The following COL24A1 variants were observed in gnomAD, a reference collection of about 807,000 sequenced individuals.
COL24A1 encodes collagen type XXIV alpha 1 chain, also known as collagen alpha-1(XXIV) chain.
A neutral mutation model predicts 253.9 loss-of-function variants in COL24A1; 224 were observed. The observed-to-expected ratio is 0.88, with a 90% CI of 0.79 to 0.99. COL24A1 has a LOEUF of 0.99. Ranked by LOEUF, COL24A1 falls within the 50% of genes least tolerant of loss-of-function variation. COL24A1 has a pLI of 0.00. For missense variants in COL24A1, 2,131 were observed against 2,068.5 expected (o/e 1.03, Z -0.59); for synonymous variants, 685 against 673.7 (o/e 1.02, Z -0.26).
At chr1:86,001,481 A>G (rs1695401842) in intron 19 of COL24A1, among the ~76,000 whole-genome samples, 1 of 152,196 alleles carries the variant, frequency 6.6e-6, no homozygotes, top group African/African-American at 2.4e-5. Context: ...GTCATCCATA[A>G]GTTTTTCCCT....
Position 85,739,273 on chromosome 1 carries a change from T to C in COL24A1, c.4673-1768A>G, listed in dbSNP as rs141622711. Among the ~76,000 whole-genome samples, 1,419 of 152,270 alleles carry C rather than the reference T, an allele frequency of 9.3e-3. 57 individuals are homozygous for C. The highest frequency in any genetic ancestry group is 0.062 in the Admixed American group (954 of 15,302). On this transcript the variant is annotated intron_variant, in intron 57 of 59. Transcript: ENST00000370571. ...ATAATAAAAAATTCTTTATAAAAGG[T>C]TTTCCATCAAGCAAATTTTATTTTT...
At chr1:85,927,783 C>T (rs1486761115) in intron 24 of COL24A1, among the ~76,000 whole-genome samples, 5 of 83,820 alleles carry the variant, frequency 6.0e-5, no homozygotes, top group Non-Finnish European at 1.2e-4. Flanking sequence ...CCCTGACCCC[C>T]GAGCAGCCTA....
At chr1:85,784,636 A>G (rs1337880332) in intron 48 of COL24A1, among the ~76,000 whole-genome samples, 1 of 152,142 alleles carries the variant, frequency 6.6e-6, no homozygotes, top group African/African-American at 2.4e-5. Flanking sequence ...GAACCTATAA[A>G]ACTAGTAGGA....
chr1:85,910,040 G>A (rs760388853), intron 25 of COL24A1, 37 bp from the exon 26 acceptor site: 1 of 1,555,106 alleles, frequency 6.4e-7, no homozygotes, highest in South Asian at 1.1e-5. Context: ...TAACATAGAG[G>A]CATATTAATT....
At chr1:85,793,647 C>T (rs1164484165) in intron 47 of COL24A1, among the ~76,000 whole-genome samples, 4 of 152,098 alleles carry the variant, frequency 2.6e-5, no homozygotes, top group African/African-American at 9.7e-5. Context: ...TTTTAATTTT[C>T]CATGAGCCTT....
In COL24A1 at chr1:86,115,317, C is replaced by A. The variant is rs777174671; in HGVS notation, c.1545+8G>T. 3.7e-6 allele frequency: 6 copies of A among 1,613,596 alleles called. No homozygotes were observed. The highest frequency in any genetic ancestry group is 4.2e-6 in the Non-Finnish European group (5 of 1,179,650). On this transcript the variant is annotated splice_region_variant and intron_variant, in intron 4 of 59. Transcript: ENST00000370571. The stretch of plus-strand genomic sequence containing the variant: ...ACTGCCAGCAGGAAATATAGCCCAT[C>A]TACTTACCCGTGGACCTCTCTTCCC...
chr1:85,911,754 C>T (rs1324219548), intron 24 of COL24A1, among the ~76,000 whole-genome samples: 1 of 152,014 alleles, frequency 6.6e-6, no homozygotes, highest in Non-Finnish European at 1.5e-5. Flanking sequence ...GTTTTCATAC[C>T]TGTTTGATGT....
chr1:86,046,865 A>C lies in COL24A1; in HGVS notation c.1910T>G (p.Ile637Ser), dbSNP rs1436711264. ...GQLGPEGERG[I>S]PGIRGKKGFK... ...ACCCTTCTTTCCACGGATCCCAGGA[A>C]TGCCCTAGAATATAGAAAAGAAAAA... The change falls in exon 12 of 60, where the codon ATT becomes AGT. Residue 637 changes from isoleucine to serine, a missense_variant. Ile to Ser is a moderately radical substitution (Grantham distance 142). Coordinates refer to ENST00000370571, the MANE Select transcript of COL24A1 (RefSeq NM_152890.7). 2 of 1,506,640 alleles carry C rather than the reference A, an allele frequency of 1.3e-6. No individual in the cohort carries two copies. Among genetic ancestry groups the C allele is most frequent in the Non-Finnish European group, 1.8e-6 (2 of 1,082,986 alleles). 93.3% of individuals were successfully genotyped at this position (1,506,640 alleles called of 1,614,324 possible).
chr1:86,044,215 T>C (rs545582864), intron 12 of COL24A1, among the ~76,000 whole-genome samples: 1 of 152,168 alleles, frequency 6.6e-6, no homozygotes, highest in South Asian at 2.1e-4. Flanking sequence ...AAGAATCCTA[T>C]GGTGCATAAT....
chr1:85,736,187 A>G (rs185590978), intron 58 of COL24A1: 1 of 397,674 alleles, frequency 2.5e-6, no homozygotes, highest in Admixed American at 2.9e-5. Flanking sequence ...CTGGTGGATC[A>G]CAGTTTTATT....
At chr1:85,786,261 A>G (rs1043179020) in intron 48 of COL24A1, 93 bp downstream of exon 48, 3 of 1,113,104 alleles carry the variant, frequency 2.7e-6, no homozygotes, top group East Asian at 2.4e-5. Flanking sequence ...ATTAAAAACT[A>G]TTAATCTTAC....
intron 8 of COL24A1, among the ~76,000 whole-genome samples, chr1:86,060,481 C>T (rs1329659200): frequency 6.6e-6 from 1 of 152,038 alleles, no homozygotes; most frequent in East Asian, 1.9e-4. Flanking sequence ...TATGCTAAAA[C>T]TTCTAAAAAT....
At chr1:85,860,719 C>T (rs934451083) in intron 37 of COL24A1, among the ~76,000 whole-genome samples, 4 of 152,082 alleles carry the variant, frequency 2.6e-5, no homozygotes, top group African/African-American at 7.2e-5. Context: ...CTAGCCTGGG[C>T]GACAGAGCAA....
At chr1:86,012,328 C>T (rs910670837) in intron 19 of COL24A1, among the ~76,000 whole-genome samples, 3 of 151,904 alleles carry the variant, frequency 2.0e-5, no homozygotes, top group Admixed American at 1.3e-4. Context: ...GGTGGCTCAC[C>T]CCTGTAATCC....
In COL24A1 at chr1:85,886,013, TTAG is replaced by T. The variant is rs546795729; in HGVS notation, c.2976+3544_2976+3546del. Among the ~76,000 whole-genome samples the T allele has an allele frequency of 3.9e-3, 588 of 152,198 alleles. 4 individuals carry two copies. Among genetic ancestry groups the T allele is most frequent in the African/African-American group, 0.014 (562 of 41,562 alleles). ...TCACATTATGATTTTTAAATCTTTT[TTAG>T]GGGGGAGACTGGATTCAGCTAGAAG... is the stretch of plus-strand genomic sequence containing the variant. On this transcript the variant is annotated intron_variant, in intron 32 of 59. Coordinates refer to ENST00000370571, the MANE Select transcript of COL24A1 (RefSeq NM_152890.7).
chr1:85,875,870 T>A (rs1681104548), intron 33 of COL24A1, among the ~76,000 whole-genome samples: 1 of 152,070 alleles, frequency 6.6e-6, no homozygotes, highest in Non-Finnish European at 1.5e-5. Flanking sequence ...CCTCTGGCTA[T>A]TTCCAGGCCT....
intron 32 of COL24A1, among the ~76,000 whole-genome samples, chr1:85,885,187 C>G (rs1321342593): frequency 7.9e-6 from 1 of 126,444 alleles, no homozygotes; most frequent in African/African-American, 2.7e-5. Flanking sequence ...ACATTTCATA[C>G]CAGAAAACAC....
rs1673084503 is a variant in COL24A1 at position 85,816,804 on chromosome 1, C to T, written c.3935G>A (p.Gly1312Glu). 1 of 1,613,716 alleles carries T rather than the reference C, an allele frequency of 6.2e-7. No individual in the cohort carries two copies. Among genetic ancestry groups the T allele is most frequent in the Admixed American group, 1.7e-5 (1 of 60,010 alleles). ...SGNPGKIGPPGKQGLPGIRGG... is the reference protein window; with the variant it reads ...SGNPGKIGPPEKQGLPGIRGG... ...ACTACTCACAGGAAGTCCCTGTTTT[C>T]CTGGTGGCCCAATTTTTCCAGGGTT... is the stretch of plus-strand genomic sequence containing the variant. The change falls in exon 47 of 60, where the codon GGA (glycine) becomes GAA (glutamate). Residue 1312 changes from glycine (G) to glutamate (E), a missense_variant. Coordinates refer to ENST00000370571, the MANE Select transcript of COL24A1 (RefSeq NM_152890.7).
At chr1:85,795,605 A>T (rs969375768) in intron 47 of COL24A1, among the ~76,000 whole-genome samples, 89 of 151,992 alleles carry the variant, frequency 5.9e-4, no homozygotes, top group Non-Finnish European at 9.6e-4. Flanking sequence ...ATTGGTTGAT[A>T]TTTTTCTTTA....
Sources: allele counts gnomAD v4.1 joint callset (sites outside exome capture counted in the v4.1 genomes callset), GRCh38; gene constraint gnomAD v4.1.1; transcripts MANE v1.5; gene names NCBI Gene and HGNC (gene_info 2026-07-23, HGNC 2026-07-21).